Variants in WWC2 observed in about 807,000 individuals in gnomAD.
WWC2 encodes protein WWC2.
In WWC2, 101 loss-of-function variants were observed where a neutral mutation model predicts 138.5. The observed-to-expected ratio is 0.73, with a 90% CI of 0.62 to 0.86. The LOEUF (loss-of-function observed/expected upper bound fraction) is 0.86. WWC2 is among the 40% of genes least tolerant of loss of function. The probability of loss-of-function intolerance (pLI) is 0.00; values close to 1 mark genes in which losing one functional copy is unlikely to be tolerated. For synonymous variants in WWC2, 558 were observed against 538.4 expected (o/e 1.04, Z -0.50); for missense variants, 1,420 against 1,419.4 (o/e 1.00, Z -0.01).
intron 1 of WWC2, among the ~76,000 whole-genome samples, chr4:183,179,928 C>T (rs1734577480): frequency 6.6e-6 from 1 of 152,088 alleles, no homozygotes; most frequent in Non-Finnish European, 1.5e-5. Context: ...GAGAAGTCAA[C>T]TAAAAAATGT....
In WWC2 at chr4:183,315,766, C is replaced by A; in HGVS notation, c.*37C>A. The A allele has an allele frequency of 6.4e-7, 1 of 1,552,162 alleles. No homozygotes were observed. Among genetic ancestry groups the A allele is most frequent in the Admixed American group, 1.7e-5 (1 of 57,488 alleles). ...AAGAAATTATTTTTTCATCTGTTCA[C>A]TTTCTTAGGGAGGGTAAAAGACTGA... On this transcript the variant is annotated 3_prime_UTR_variant, in exon 23 of 23. Coordinates refer to ENST00000403733, the MANE Select transcript of WWC2 (RefSeq NM_024949.6).
chr4:183,240,430 A>C, intron 5 of WWC2, 168 bp downstream of exon 5: 1 of 523,672 alleles, frequency 1.9e-6, no homozygotes, highest in Non-Finnish European at 3.3e-6. Flanking sequence ...ACAGATAAAA[A>C]AACTTGGGAA....
In WWC2 at chr4:183,282,704, A is replaced by C. The variant is rs774016053; in HGVS notation, c.2685-4A>C. ...AAAAGTGTTTTGTTTTTGTTTTACC[A>C]TAGGCTAACAATGCTAAGAGAGGCC... On this transcript the variant is annotated splice_region_variant and splice_polypyrimidine_tract_variant and intron_variant, in intron 17 of 22. Coordinates refer to ENST00000403733, the MANE Select transcript of WWC2 (RefSeq NM_024949.6). 1 of 1,562,722 alleles carries C rather than the reference A, an allele frequency of 6.4e-7. No homozygotes were observed. The highest frequency in any genetic ancestry group is 8.7e-7 in the Non-Finnish European group (1 of 1,152,760).
chr4:183,186,222 G>A (rs1734797016), intron 1 of WWC2, among the ~76,000 whole-genome samples: 1 of 152,120 alleles, frequency 6.6e-6, no homozygotes, highest in South Asian at 2.1e-4. Flanking sequence ...GGGATTATAG[G>A]CGTAATCCAC....
At position 183,249,936 on chromosome 4, in the gene WWC2, G is replaced by T. The variant is rs1389246139; in HGVS notation, c.896G>T (p.Arg299Ile). Residue 299 changes from arginine (R) to isoleucine (I), a missense_variant, in exon 8 of 23, where the codon AGA becomes ATA. By Grantham distance (97) the Arg-to-Ile change is moderately conservative (BLOSUM62 -3). Transcript: ENST00000403733. Reference protein sequence around the residue: ...SISGDIGVRSRSNLAEKVRLS... With the variant: ...SISGDIGVRSISNLAEKVRLS... Reference sequence around the variant, plus strand: ...TTCCACTAGATTGGAGTAAGAAGTAGATCAAATTTAGCTGAAAAGGTCAGG... The same window carrying T: ...TTCCACTAGATTGGAGTAAGAAGTATATCAAATTTAGCTGAAAAGGTCAGG... The T allele has an allele frequency of 6.8e-6, 11 of 1,613,618 alleles. No individual in the cohort carries two copies. Among genetic ancestry groups the T allele is most frequent in the Non-Finnish European group, 9.3e-6 (11 of 1,179,754 alleles).
At chr4:183,190,162 G>A (rs1021123753) in intron 1 of WWC2, among the ~76,000 whole-genome samples, 1 of 152,108 alleles carries the variant, frequency 6.6e-6, no homozygotes, top group Non-Finnish European at 1.5e-5. Context: ...GGATTTTGTT[G>A]TTATTGTTGT....
At position 183,172,952 on chromosome 4, in the gene WWC2, GC is replaced by G. The variant is rs145405141; in HGVS notation, c.132-20645del. The stretch of plus-strand genomic sequence containing the variant: ...TTTAATTTGTCAATAGATGGTTTCT[GC>G]CATCATATTGTTCATTTCCAGGAAT... On this transcript the variant is annotated intron_variant, in intron 1 of 22. Transcript: ENST00000403733. 5.2e-3 allele frequency among the ~76,000 whole-genome samples: 788 copies of G among 152,012 alleles called. 5 individuals carry two copies. Among genetic ancestry groups the G allele is most frequent in the African/African-American group, 0.018 (761 of 41,462 alleles).
intron 1 of WWC2, among the ~76,000 whole-genome samples, chr4:183,147,098 G>A (rs1174102971): frequency 6.6e-6 from 1 of 152,178 alleles, no homozygotes; most frequent in Non-Finnish European, 1.5e-5. Context: ...CAATGCTGCT[G>A]GTCCTGGGAC....
intron 21 of WWC2, among the ~76,000 whole-genome samples, chr4:183,299,022 A>T (rs1316882202): frequency 6.6e-6 from 1 of 152,188 alleles, no homozygotes; most frequent in Non-Finnish European, 1.5e-5. Flanking sequence ...TTGTGCTGCT[A>T]TAACAAAATG....
At chr4:183,128,050 A>AG (rs1405608703) in intron 1 of WWC2, among the ~76,000 whole-genome samples, 1 of 151,916 alleles carries the variant, frequency 6.6e-6, no homozygotes, top group Admixed American at 6.6e-5. Flanking sequence ...TCTGAAAAAA[A>AG]AAAAAAAAGG....
At chr4:183,144,742 A>G (rs1367242114) in intron 1 of WWC2, among the ~76,000 whole-genome samples, 1 of 152,240 alleles carries the variant, frequency 6.6e-6, no homozygotes, top group African/African-American at 2.4e-5. Context: ...TGTTTATAAC[A>G]GACAAGATTT....
chr4:183,134,187 A>T (rs1046324881), intron 1 of WWC2, among the ~76,000 whole-genome samples: 3 of 151,676 alleles, frequency 2.0e-5, no homozygotes, highest in African/African-American at 7.3e-5. Context: ...GTTAGATGTT[A>T]GTTTTATTAT....
intron 1 of WWC2, among the ~76,000 whole-genome samples, chr4:183,176,890 G>A (rs748702448): frequency 2.0e-5 from 3 of 152,154 alleles, no homozygotes; most frequent in Non-Finnish European, 4.4e-5. Context: ...TCCTCATGGA[G>A]GAGTTTTTCA....
At chr4:183,161,507 A>G (rs1411082082) in intron 1 of WWC2, among the ~76,000 whole-genome samples, 1 of 152,244 alleles carries the variant, frequency 6.6e-6, no homozygotes, top group Admixed American at 6.5e-5. Flanking sequence ...ACACTGTGCA[A>G]ATAACCTTGC....
chr4:183,282,883 C>T lies in WWC2; in HGVS notation c.2860C>T (p.Pro954Ser). The change falls in exon 18 of 23, where the codon CCA (proline) becomes TCA (serine). Residue 954 changes from proline (P) to serine (S), a missense_variant. By Grantham distance (74) the Pro-to-Ser change is moderately conservative. Coordinates refer to ENST00000403733, the MANE Select transcript of WWC2 (RefSeq NM_024949.6). Reference sequence around the variant, plus strand: ...CTGTGCCAAAGACCTCAGAAGTCAGCCACCTACTAGAATACCAACACTGGT... The same window carrying T: ...CTGTGCCAAAGACCTCAGAAGTCAGTCACCTACTAGAATACCAACACTGGT... ...SNCAKDLRSQ[P>S]PTRIPTLVDK... 1.3e-6 allele frequency: 2 copies of T among 1,585,360 alleles called. No homozygotes were observed. The highest frequency in any genetic ancestry group is 2.3e-5 in the East Asian group (1 of 43,604).
At chr4:183,203,667 T>C (rs1387310644) in intron 2 of WWC2, 1 of 147,194 alleles carries the variant, frequency 6.8e-6, no homozygotes, top group Non-Finnish European at 1.5e-5. Flanking sequence ...ACAAAAATGA[T>C]TTTATTGAGT....
intron 11 of WWC2, among the ~76,000 whole-genome samples, chr4:183,263,456 A>AT: frequency 1.3e-5 from 2 of 152,352 alleles, no homozygotes; most frequent in Admixed American, 1.3e-4. Flanking sequence ...TGGAGACAGT[A>AT]TCTCTGAACC....
chr4:183,189,530 T>C (rs1450808592), intron 1 of WWC2, among the ~76,000 whole-genome samples: 1 of 152,218 alleles, frequency 6.6e-6, no homozygotes, highest in African/African-American at 2.4e-5. Flanking sequence ...TAGTGCTTTA[T>C]CCTTGCTTTA....
chr4:183,243,787 G>C (rs915898090), intron 5 of WWC2, among the ~76,000 whole-genome samples: 3 of 137,670 alleles, frequency 2.2e-5, no homozygotes, highest in Non-Finnish European at 3.2e-5. Context: ...GTGTGTGTGT[G>C]TGTGCATGTG....
Sources: allele counts gnomAD v4.1 joint callset (sites outside exome capture counted in the v4.1 genomes callset), GRCh38; gene constraint gnomAD v4.1.1; transcripts MANE v1.5; gene names NCBI Gene and HGNC (gene_info 2026-07-23, HGNC 2026-07-21).